PLPPR1: variants seen among roughly 807,000 people sequenced by gnomAD.
The protein encoded by PLPPR1 is phospholipid phosphatase related 1.
In PLPPR1, 10 loss-of-function variants were observed where a neutral mutation model predicts 33.1. The ratio of observed to expected loss-of-function variants is 0.30; its 90% CI spans 0.19 to 0.51. PLPPR1 has a LOEUF of 0.51. Among genes scored for constraint, PLPPR1 ranks in the 20% least tolerant of loss-of-function variants. The pLI is 0.97. For synonymous variants in PLPPR1, 151 were observed against 151.0 expected, an observed-to-expected ratio of 1.00 and a Z score of 0.00; for missense variants, 304 against 408.1, an observed-to-expected ratio of 0.74 and a Z score of 2.20.
At chr9:101,244,281 GA>G (rs1827539321) in intron 2 of PLPPR1, among the ~76,000 whole-genome samples, 1 of 151,414 alleles carries the variant, frequency 6.6e-6, no homozygotes, top group African/African-American at 2.4e-5. Flanking sequence ...AAATTTAAAA[GA>G]AAAAAAATCA....
chr9:101,161,565 G>A (rs553692937), intron 1 of PLPPR1, among the ~76,000 whole-genome samples: 3 of 152,148 alleles, frequency 2.0e-5, no homozygotes, highest in African/African-American at 7.2e-5. Context: ...TGTAAAATGG[G>A]GTTATTAATA....
intron 1 of PLPPR1, among the ~76,000 whole-genome samples, chr9:101,180,346 C>T (rs749938771): frequency 1.3e-5 from 2 of 150,090 alleles, no homozygotes; most frequent in Non-Finnish European, 3.0e-5. Flanking sequence ...CAATGAAATC[C>T]CTACCAAAAT....
chr9:101,301,326 C>T (rs567759276), intron 4 of PLPPR1, among the ~76,000 whole-genome samples: 1 of 152,240 alleles, frequency 6.6e-6, no homozygotes, highest in South Asian at 2.1e-4. Context: ...ATTTTATAAT[C>T]AATTTATAAC....
At chr9:101,155,890 G>T (rs1168552339) in intron 1 of PLPPR1, among the ~76,000 whole-genome samples, 1 of 152,146 alleles carries the variant, frequency 6.6e-6, no homozygotes, top group Non-Finnish European at 1.5e-5. Context: ...ATGAGCCACT[G>T]GCTGGGCCGG....
chr9:101,237,979 C>CTATATATATATATATATA (rs367867610), intron 2 of PLPPR1, among the ~76,000 whole-genome samples: 109 of 79,392 alleles, frequency 1.4e-3, no homozygotes, highest in South Asian at 7.4e-3. Flanking sequence ...GCTATATAGC[C>CTATATATATATATATATA]TATATATATA....
chr9:101,128,741 C>A (rs1429863704), intron 1 of PLPPR1, among the ~76,000 whole-genome samples: 4 of 152,102 alleles, frequency 2.6e-5, no homozygotes, highest in Admixed American at 6.5e-5. Flanking sequence ...GTGGATGATT[C>A]CATAATACTC....
chr9:101,278,103 T>G (rs78090943), intron 3 of PLPPR1, among the ~76,000 whole-genome samples: 1 of 152,160 alleles, frequency 6.6e-6, no homozygotes, highest in Non-Finnish European at 1.5e-5. Flanking sequence ...CCACAAAATA[T>G]GTATTCTGGG....
At chr9:101,296,006 T>C (rs1259032333) in intron 4 of PLPPR1, among the ~76,000 whole-genome samples, 2 of 151,254 alleles carry the variant, frequency 1.3e-5, no homozygotes, top group South Asian at 4.2e-4. Context: ...ACCATCAGAG[T>C]GAACAGGCAA....
chr9:101,236,105 T>A (rs1272342344), intron 2 of PLPPR1, among the ~76,000 whole-genome samples: 1 of 151,780 alleles, frequency 6.6e-6, no homozygotes, highest in Non-Finnish European at 1.5e-5. Flanking sequence ...AGCCTGTTGT[T>A]CTAGATTTAC....
chr9:101,158,314 TCA>T (rs1450079184), intron 1 of PLPPR1, among the ~76,000 whole-genome samples: 1 of 152,014 alleles, frequency 6.6e-6, no homozygotes, highest in Non-Finnish European at 1.5e-5. Flanking sequence ...GAGGGTTTCA[TCA>T]CAGTGAGGAA....
In PLPPR1 at chr9:101,106,538, T is replaced by C. The variant is rs1428785068; in HGVS notation, c.-46+77436T>C. 1.7e-4 allele frequency among the ~76,000 whole-genome samples: 18 copies of C among 105,796 alleles called. 1 individual carries two copies. The highest frequency in any genetic ancestry group is 3.1e-4 in the Non-Finnish European group (17 of 54,408). 69.4% of individuals were successfully genotyped at this position (105,796 alleles called of 152,430 possible). On this transcript the variant is annotated intron_variant, in intron 1 of 7. Transcript: ENST00000374874. Reference sequence around the variant, plus strand: ...GATCCGCTGTTAGTCTGATGGGCTTTCCTTTGAGGGTAACCCGACCTTTCT... The same window carrying C: ...GATCCGCTGTTAGTCTGATGGGCTTCCCTTTGAGGGTAACCCGACCTTTCT...
chr9:101,202,766 C>T (rs1826516739), intron 2 of PLPPR1, among the ~76,000 whole-genome samples: 1 of 152,252 alleles, frequency 6.6e-6, no homozygotes, highest in South Asian at 2.1e-4. Flanking sequence ...AGCTGAGGGG[C>T]AAGAAAGCTG....
intron 1 of PLPPR1, among the ~76,000 whole-genome samples, chr9:101,030,852 A>T (rs926747190): frequency 4.0e-5 from 6 of 151,686 alleles, no homozygotes; most frequent in Middle Eastern, 3.4e-3. Context: ...AGAAAGCATG[A>T]TATTTGTGAG....
chr9:101,230,122 A>G (rs1827150496), intron 2 of PLPPR1, among the ~76,000 whole-genome samples: 3 of 152,156 alleles, frequency 2.0e-5, no homozygotes, highest in Admixed American at 6.6e-5. Context: ...TAAAAGGTTT[A>G]ATAAAGAAAA....
At chr9:101,322,590 A>G (rs1390522446) in intron 7 of PLPPR1, 1 of 152,176 alleles carries the variant, frequency 6.6e-6, no homozygotes, top group Non-Finnish European at 1.5e-5. Flanking sequence ...TAACCTTGTA[A>G]ACAGTGAAGA....
chr9:101,048,848 A>G (rs980612701), intron 1 of PLPPR1, among the ~76,000 whole-genome samples: 1 of 152,248 alleles, frequency 6.6e-6, no homozygotes, highest in African/African-American at 2.4e-5. Context: ...GTAGCATGCC[A>G]TATGGCATAA....
At chr9:101,148,313 T>C (rs999042050) in intron 1 of PLPPR1, among the ~76,000 whole-genome samples, 7 of 152,178 alleles carry the variant, frequency 4.6e-5, no homozygotes, top group African/African-American at 1.7e-4. Flanking sequence ...CCCTGCCCGG[T>C]CATTTGCCTT....
chr9:101,083,590 T>C (rs1830645996), intron 1 of PLPPR1, among the ~76,000 whole-genome samples: 1 of 152,086 alleles, frequency 6.6e-6, no homozygotes, highest in African/African-American at 2.4e-5. Context: ...GGTAGATCTT[T>C]AACAAAAGAT....
chr9:101,320,887 T>G (rs1230916104), intron 7 of PLPPR1, among the ~76,000 whole-genome samples: 3 of 152,228 alleles, frequency 2.0e-5, no homozygotes, highest in Admixed American at 2.0e-4. Flanking sequence ...CATCCAATAC[T>G]GAGGCCCTGC....
Sources: allele counts gnomAD v4.1 joint callset (sites outside exome capture counted in the v4.1 genomes callset), GRCh38; gene constraint gnomAD v4.1.1; transcripts MANE v1.5; gene names NCBI Gene and HGNC (gene_info 2026-07-23, HGNC 2026-07-21).